PARG: variants seen among roughly 807,000 people sequenced by gnomAD.
PARG encodes the protein poly(ADP-ribose) glycohydrolase.
In PARG, 35 loss-of-function variants were observed where a neutral mutation model predicts 113.0. The observed-to-expected ratio is 0.31, with a 90% CI of 0.24 to 0.41. The LOEUF is 0.41. Among genes scored for constraint, PARG ranks in the 10% least tolerant of loss-of-function variants. The pLI is 1.00. For synonymous variants in PARG, 330 were observed against 409.9 expected, an observed-to-expected ratio of 0.81 and a Z score of 2.36; for missense variants, 797 against 1,169.4, an observed-to-expected ratio of 0.68 and a Z score of 4.64.
At chr10:49,919,749 A>C (rs1554848655) in intron 6 of PARG, among the ~76,000 whole-genome samples, 3 of 152,306 alleles carry the variant, frequency 2.0e-5, no homozygotes, top group African/African-American at 7.2e-5. Context: ...CTCTAGCAGA[A>C]CTTGAGATTT....
At chr10:49,836,177 A>AT (rs1554831058) in intron 15 of PARG, among the ~76,000 whole-genome samples, 1 of 152,176 alleles carries the variant, frequency 6.6e-6, no homozygotes, top group African/African-American at 2.4e-5. Flanking sequence ...TTGCTGGAAT[A>AT]ATTTAATAAT....
chr10:49,900,816 T>C (rs59632809), intron 7 of PARG, among the ~76,000 whole-genome samples: 28,584 of 150,974 alleles, frequency 0.19, 3,350 homozygotes, highest in East Asian at 0.32. Flanking sequence ...CAATCACTTT[T>C]GTAAACACCA....
intron 16 of PARG, among the ~76,000 whole-genome samples, chr10:49,828,868 C>T (rs1844507085): frequency 6.6e-6 from 1 of 152,136 alleles, no homozygotes; most frequent in African/African-American, 2.4e-5. Flanking sequence ...CAATGAGACC[C>T]TGTATCTTAC....
At chr10:49,854,403 G>A (rs1460209482) in intron 13 of PARG, among the ~76,000 whole-genome samples, 1 of 152,198 alleles carries the variant, frequency 6.6e-6, no homozygotes, top group Non-Finnish European at 1.5e-5. Flanking sequence ...ACTTCTTGAG[G>A]TGGTGGCAAA....
chr10:49,909,846 GGGAAATAGTGGCAT>G (rs1837065931), intron 7 of PARG: 1 of 162,534 alleles, frequency 6.2e-6, no homozygotes, highest in Non-Finnish European at 1.4e-5. Context: ...CTTGGTCCCA[GGGAAATAGTGGCAT>G]GGTTCATGCC....
At chr10:49,840,844 C>T (rs1845196195) in intron 15 of PARG, among the ~76,000 whole-genome samples, 1 of 152,144 alleles carries the variant, frequency 6.6e-6, no homozygotes, top group South Asian at 2.1e-4. Flanking sequence ...ATGTAAAAAC[C>T]ACAAGCCTCA....
At chr10:49,866,894 CA>C (rs1554837002) in intron 10 of PARG, among the ~76,000 whole-genome samples, 1 of 151,848 alleles carries the variant, frequency 6.6e-6, no homozygotes, top group Admixed American at 6.6e-5. Flanking sequence ...TAATTTAATT[CA>C]GAAGGCTTTT....
intron 7 of PARG, among the ~76,000 whole-genome samples, chr10:49,887,670 T>C (rs1290679509): frequency 6.6e-6 from 1 of 152,164 alleles, no homozygotes; most frequent in Non-Finnish European, 1.5e-5. Context: ...GAATATAATA[T>C]TATATAATAT....
At chr10:49,935,530 G>A (rs1238022288) in intron 1 of PARG, among the ~76,000 whole-genome samples, 1 of 152,230 alleles carries the variant, frequency 6.6e-6, no homozygotes, top group Non-Finnish European at 1.5e-5. Flanking sequence ...AGTAAAAATA[G>A]TTCATGTAAA....
chr10:49,895,414 T>C (rs1554842508), intron 7 of PARG, among the ~76,000 whole-genome samples: 1 of 152,164 alleles, frequency 6.6e-6, no homozygotes, highest in African/African-American at 2.4e-5. Flanking sequence ...ATATCTTTTT[T>C]TTTTTTGAGA....
intron 7 of PARG, among the ~76,000 whole-genome samples, chr10:49,912,261 T>C (rs568824175): frequency 7.7e-4 from 117 of 151,772 alleles, no homozygotes; most frequent in Non-Finnish European, 1.3e-3. Flanking sequence ...GATCATGCCA[T>C]TGCACTCCAG....
intron 1 of PARG, among the ~76,000 whole-genome samples, chr10:49,940,511 GT>G (rs1393395438): frequency 6.8e-6 from 1 of 146,086 alleles, no homozygotes; most frequent in Non-Finnish European, 1.5e-5. Flanking sequence ...TCCTGTTTTT[GT>G]TTTGTTTTGT....
At chr10:49,891,394 C>T (rs1411917381) in intron 7 of PARG, among the ~76,000 whole-genome samples, 2 of 151,252 alleles carry the variant, frequency 1.3e-5, no homozygotes, top group Non-Finnish European at 2.9e-5. Context: ...ACAAGCTGCT[C>T]CATTTTCTCT....
intron 7 of PARG, among the ~76,000 whole-genome samples, chr10:49,915,186 GAA>G (rs797038793): frequency 4.3e-5 from 5 of 115,370 alleles, no homozygotes; most frequent in Admixed American, 3.4e-4. Context: ...TCAAGAAAAA[GAA>G]AAAAAAAAAA....
At position 49,824,737 on chromosome 10, in the gene PARG, G is replaced by A. The variant is rs187125754; in HGVS notation, c.2648-4444C>T. On this transcript the variant is annotated intron_variant, in intron 16 of 17. Coordinates refer to ENST00000616448, the MANE Select transcript of PARG (RefSeq NM_003631.5). ...CTAGGAGCTTTACAAATACTACCTC[G>A]TGATTCCTTACAAAAACTCAACAAG... 9.1e-4 allele frequency among the ~76,000 whole-genome samples: 139 copies of A among 152,166 alleles called. 1 individual carries two copies. Among genetic ancestry groups the A allele is most frequent in the Admixed American group, 1.8e-3 (27 of 15,288 alleles).
At chr10:49,920,616 G>GTATACGTACATATATACA (rs1837811405) in intron 6 of PARG, among the ~76,000 whole-genome samples, 1 of 142,004 alleles carries the variant, frequency 7.0e-6, no homozygotes, top group Non-Finnish European at 1.5e-5. Flanking sequence ...ACATATATAC[G>GTATACGTACATATATACA]TATATATATA....
At chr10:49,931,390 C>T (rs1413037127) in intron 4 of PARG, among the ~76,000 whole-genome samples, 2 of 152,000 alleles carry the variant, frequency 1.3e-5, no homozygotes, top group Non-Finnish European at 2.9e-5. Context: ...CTGGAGGCTA[C>T]AAGATTCTGA....
intron 15 of PARG, among the ~76,000 whole-genome samples, chr10:49,840,068 T>C (rs1845148189): frequency 6.6e-6 from 1 of 152,182 alleles, no homozygotes; most frequent in African/African-American, 2.4e-5. Context: ...TAGGCTTACA[T>C]TTAAAATGTA....
intron 4 of PARG, among the ~76,000 whole-genome samples, chr10:49,925,569 G>A (rs1474442499): frequency 1.3e-5 from 2 of 152,120 alleles, no homozygotes; most frequent in Non-Finnish European, 2.9e-5. Flanking sequence ...CTCCTGGGGC[G>A]GTGTCACAGG....
Sources: allele counts gnomAD v4.1 joint callset (sites outside exome capture counted in the v4.1 genomes callset), GRCh38; gene constraint gnomAD v4.1.1; transcripts MANE v1.5; gene names NCBI Gene and HGNC (gene_info 2026-07-23, HGNC 2026-07-21).